The following WDR20 variants were observed in gnomAD, a reference collection of about 807,000 sequenced individuals.
WDR20 encodes the protein WD repeat-containing protein 20.
In WDR20, 3 loss-of-function variants were observed where a neutral mutation model predicts 38.7. The ratio of observed to expected loss-of-function variants is 0.08; its 90% CI spans 0.04 to 0.20. WDR20 has a LOEUF of 0.20. Among genes scored for constraint, WDR20 ranks in the 10% least tolerant of loss-of-function variants. WDR20 has a pLI of 1.00. For missense variants in WDR20, 559 were observed against 727.7 expected, an observed-to-expected ratio of 0.77 and a Z score of 2.67; for synonymous variants, 298 against 285.6, an observed-to-expected ratio of 1.04 and a Z score of -0.44.
chr14:102,189,052 A>G (rs933907528), intron 1 of WDR20, among the ~76,000 whole-genome samples: 4 of 151,776 alleles, frequency 2.6e-5, no homozygotes, highest in Non-Finnish European at 4.4e-5. Context: ...TCTACAAAAA[A>G]TACAAAAATT....
At position 102,221,117 on chromosome 14, in the gene WDR20, G is replaced by T. The variant is rs1484291134; in HGVS notation, c.1693-1713G>T. Among the ~76,000 whole-genome samples, 1 of 152,220 alleles carries T rather than the reference G, an allele frequency of 6.6e-6. No individual in the cohort carries two copies. Among genetic ancestry groups the T allele is most frequent in the African/African-American group, 2.4e-5 (1 of 41,448 alleles). ...GGACTGGTAGAGACACCACCTTCCTGTGGGTGGGGCTGCCTCCTACCTGGA... is the reference window on the plus strand; with the variant it reads ...GGACTGGTAGAGACACCACCTTCCTTTGGGTGGGGCTGCCTCCTACCTGGA... On this transcript the variant is annotated intron_variant, in intron 3 of 3. Transcript: ENST00000335263. This position sits in a 1 kb window ranked among gnomAD's most constrained non-coding sequence, Gnocchi z 4.8.
chr14:102,199,494 C>A (rs2059952164), intron 2 of WDR20, among the ~76,000 whole-genome samples: 1 of 152,006 alleles, frequency 6.6e-6, no homozygotes, highest in African/African-American at 2.4e-5. Flanking sequence ...AGCATGGCAA[C>A]CCAGGCAGAG....
intron 2 of WDR20, chr14:102,197,773 T>G: frequency 1.4e-6 from 1 of 702,196 alleles, no homozygotes; most frequent in South Asian, 1.5e-5. Context: ...TCAGCACTTG[T>G]GGAAGGTGGA....
chr14:102,179,984 C>G (rs1427183503), intron 1 of WDR20, among the ~76,000 whole-genome samples: 1 of 152,108 alleles, frequency 6.6e-6, no homozygotes, highest in Non-Finnish European at 1.5e-5. Flanking sequence ...GAAACCCTGT[C>G]TCTACTAAAA....
chr14:102,219,033 G>A (rs2063571192), downstream of WDR20, among the ~76,000 whole-genome samples: 2 of 152,334 alleles, frequency 1.3e-5, no homozygotes, highest in Admixed American at 1.3e-4. Context: ...GATTGGGGCA[G>A]CAGGGTCCCT....
chr14:102,182,002 A>C (rs112888416), intron 1 of WDR20, among the ~76,000 whole-genome samples: 2 of 152,344 alleles, frequency 1.3e-5, no homozygotes, highest in African/African-American at 4.8e-5. Context: ...AAATGCTAAA[A>C]ATATTACTGA....
chr14:102,190,285 C>A (rs924039809), intron 1 of WDR20, among the ~76,000 whole-genome samples: 5 of 152,138 alleles, frequency 3.3e-5, no homozygotes, highest in Non-Finnish European at 5.9e-5. Context: ...TTAGGCCAGG[C>A]GCAGTGGCTC....
intron 1 of WDR20, among the ~76,000 whole-genome samples, chr14:102,173,324 G>A (rs1282154180): frequency 6.8e-6 from 1 of 147,546 alleles, no homozygotes; most frequent in Non-Finnish European, 1.5e-5. Context: ...ATGTTGCCCA[G>A]GCTGGTCTCA....
intron 1 of WDR20, among the ~76,000 whole-genome samples, chr14:102,173,433 AATTATTATT>A (rs59078063): frequency 0.018 from 2,535 of 138,838 alleles, 52 homozygotes; most frequent in African/African-American, 0.046. Flanking sequence ...CTTTTTTTAA[AATTATTATT>A]ATTATTATTA....
intron 1 of WDR20, among the ~76,000 whole-genome samples, chr14:102,147,067 T>C (rs866472180): frequency 6.6e-6 from 1 of 152,212 alleles, no homozygotes; most frequent in Non-Finnish European, 1.5e-5. Context: ...ACTTTCATAC[T>C]ATACCTGGGT....
At position 102,185,356 on chromosome 14, in the gene WDR20, G is replaced by C. The variant is rs76363311; in HGVS notation, c.250-9582G>C. Among the ~76,000 whole-genome samples the C allele has an allele frequency of 3.0e-3, 458 of 152,232 alleles. 12 individuals are homozygous for C. In the East Asian group the frequency reaches 0.079, roughly 26 times the overall value. On this transcript the variant is annotated intron_variant, in intron 1 of 2. Coordinates refer to ENST00000342702, the MANE Select transcript of WDR20 (RefSeq NM_144574.4). ...AAGAAGAGGTAGATCTGGAATCTGG[G>C]CCACACTGAGAAAGGCTGGAATATT...
chr14:102,212,742 G>A (rs114904683), downstream of WDR20: 15 of 1,408,742 alleles, frequency 1.1e-5, no homozygotes, highest in Middle Eastern at 2.1e-4. Flanking sequence ...GGTGCAATGC[G>A]TGCTGCTAAC....
intron 1 of WDR20, among the ~76,000 whole-genome samples, chr14:102,149,454 A>G (rs2054937508): frequency 6.6e-6 from 1 of 152,248 alleles, no homozygotes; most frequent in Non-Finnish European, 1.5e-5. Flanking sequence ...TCTGCCTAGT[A>G]GAAGAATATT....
intron 1 of WDR20, among the ~76,000 whole-genome samples, chr14:102,150,399 G>A (rs915167713): frequency 2.0e-5 from 3 of 152,122 alleles, no homozygotes; most frequent in Non-Finnish European, 4.4e-5. Context: ...TTGAGCCCAG[G>A]GTGGGGAGGT....
intron 1 of WDR20, among the ~76,000 whole-genome samples, chr14:102,144,463 C>T (rs2052814459): frequency 7.0e-6 from 1 of 142,104 alleles, no homozygotes; most frequent in Non-Finnish European, 1.5e-5. Context: ...GCCTGGGCGA[C>T]AGAGCTAGAC....
At chr14:102,174,943 T>C (rs1045652393) in intron 1 of WDR20, among the ~76,000 whole-genome samples, 2 of 152,234 alleles carry the variant, frequency 1.3e-5, no homozygotes, top group Non-Finnish European at 2.9e-5. Flanking sequence ...TAGTTTCTTA[T>C]AGATTCTAGA....
intron 1 of WDR20, among the ~76,000 whole-genome samples, chr14:102,173,248 A>C (rs1008861743): frequency 1.3e-5 from 2 of 150,820 alleles, no homozygotes; most frequent in African/African-American, 4.9e-5. Flanking sequence ...GAGCAGTTGG[A>C]ACTACAGGCT....
At chr14:102,216,942 AAAT>A (rs2063293520), downstream of WDR20, among the ~76,000 whole-genome samples, 3 of 152,088 alleles carry the variant, frequency 2.0e-5, no homozygotes, top group South Asian at 6.2e-4. Context: ...TAAAGAAAAA[AAAT>A]AGCCATTTCT....
At chr14:102,185,994 G>A (rs1272074201) in intron 1 of WDR20, among the ~76,000 whole-genome samples, 1 of 152,126 alleles carries the variant, frequency 6.6e-6, no homozygotes, top group East Asian at 1.9e-4. Flanking sequence ...AGACAGGGAG[G>A]TAAATAACAC....
Sources: allele counts gnomAD v4.1 joint callset (sites outside exome capture counted in the v4.1 genomes callset), GRCh38; gene constraint gnomAD v4.1.1; non-coding constraint Gnocchi (gnomAD v3.1); transcripts MANE v1.5; gene names NCBI Gene and HGNC (gene_info 2026-07-23, HGNC 2026-07-21).